Variants in NELL1 observed in about 807,000 individuals in gnomAD.
The protein encoded by NELL1 is neural EGFL like 1.
A neutral mutation model predicts 107.4 loss-of-function variants in NELL1; 76 were observed. The observed-to-expected ratio is 0.71, with a 90% CI of 0.59 to 0.86. The LOEUF is 0.86. NELL1 is among the 40% of genes least tolerant of loss of function. The pLI is 0.00. For synonymous variants in NELL1, 353 were observed against 341.2 expected (o/e 1.03, Z -0.38); for missense variants, 1,024 against 1,005.5 (o/e 1.02, Z -0.25).
At chr11:21,002,734 C>A (rs1345926387) in intron 12 of NELL1, among the ~76,000 whole-genome samples, 1 of 152,158 alleles carries the variant, frequency 6.6e-6, no homozygotes, top group Non-Finnish European at 1.5e-5. Context: ...AAAATTTCCT[C>A]TTCTTATAAG....
intron 14 of NELL1, among the ~76,000 whole-genome samples, chr11:21,244,345 C>G (rs1858437839): frequency 6.6e-6 from 1 of 152,082 alleles, no homozygotes; most frequent in Non-Finnish European, 1.5e-5. Context: ...TGCAGGCTCT[C>G]TTACAGCCAT....
rs529555993 is a variant in NELL1 at position 21,287,058 on chromosome 11, C to T, written c.1549+57604C>T. 3.3e-5 allele frequency among the ~76,000 whole-genome samples: 5 copies of T among 152,318 alleles called. No individual in the cohort carries two copies. The South Asian group carries it at 8.3e-4, about 25-fold the overall frequency. On this transcript the variant is annotated intron_variant, in intron 14 of 19. Coordinates refer to ENST00000357134, the MANE Select transcript of NELL1 (RefSeq NM_006157.5). Reference sequence around the variant, plus strand: ...AGAAATTATTATATTCCTTATTACACAGAATATACCATTCTAAAAGATAAT... The same window carrying T: ...AGAAATTATTATATTCCTTATTACATAGAATATACCATTCTAAAAGATAAT...
chr11:20,696,515 T>C (rs1328608610), intron 2 of NELL1, among the ~76,000 whole-genome samples: 1 of 152,134 alleles, frequency 6.6e-6, no homozygotes, highest in Non-Finnish European at 1.5e-5. Context: ...TATTGCCACA[T>C]TTATTTTAAA....
intron 4 of NELL1, among the ~76,000 whole-genome samples, chr11:20,848,854 T>G (rs1485397276): frequency 1.3e-5 from 2 of 152,218 alleles, no homozygotes; most frequent in Non-Finnish European, 2.9e-5. Flanking sequence ...AGGGAAGGTT[T>G]GCCATCTTGA....
At chr11:20,924,172 G>C (rs1219806066) in intron 7 of NELL1, among the ~76,000 whole-genome samples, 1 of 152,202 alleles carries the variant, frequency 6.6e-6, no homozygotes, top group Non-Finnish European at 1.5e-5. Context: ...AATTCAGCAT[G>C]CTAATACCAG....
chr11:20,999,639 A>T (rs1852171383), intron 12 of NELL1, among the ~76,000 whole-genome samples: 2 of 152,024 alleles, frequency 1.3e-5, no homozygotes, highest in East Asian at 3.9e-4. Flanking sequence ...TCACCCTCAA[A>T]ATTAGTAGCC....
intron 15 of NELL1, among the ~76,000 whole-genome samples, chr11:21,442,532 G>A (rs1259943962): frequency 6.6e-6 from 1 of 152,126 alleles, no homozygotes; most frequent in African/African-American, 2.4e-5. Context: ...ATTCAAGGTA[G>A]TTTACTTGTA....
intron 13 of NELL1, among the ~76,000 whole-genome samples, chr11:21,187,702 C>A (rs563675944): frequency 6.6e-6 from 1 of 151,648 alleles, no homozygotes; most frequent in African/African-American, 2.4e-5. Context: ...CTGTGTCTGC[C>A]CTTACAGGGT....
At chr11:21,221,249 T>C (rs1357034690) in intron 13 of NELL1, among the ~76,000 whole-genome samples, 2 of 152,250 alleles carry the variant, frequency 1.3e-5, no homozygotes, top group Non-Finnish European at 2.9e-5. Context: ...TCATGGTGTA[T>C]AATCTTTGTG....
intron 12 of NELL1, among the ~76,000 whole-genome samples, chr11:21,057,867 T>A (rs1853648351): frequency 6.6e-6 from 1 of 152,102 alleles, no homozygotes; most frequent in African/African-American, 2.4e-5. Flanking sequence ...AAATTAATAC[T>A]AGAATTATTT....
intron 12 of NELL1, among the ~76,000 whole-genome samples, chr11:20,967,154 T>A (rs1423938231): frequency 2.0e-5 from 3 of 152,054 alleles, no homozygotes; most frequent in Non-Finnish European, 4.4e-5. Context: ...GTGTAGGCAT[T>A]GATTAGGTTT....
chr11:21,047,880 G>C (rs1006115214), intron 12 of NELL1, among the ~76,000 whole-genome samples: 2 of 152,162 alleles, frequency 1.3e-5, no homozygotes, highest in Non-Finnish European at 2.9e-5. Flanking sequence ...CTGCTCCCCA[G>C]CATCTCTAAT....
intron 12 of NELL1, among the ~76,000 whole-genome samples, chr11:21,020,500 T>A (rs1160309476): frequency 6.6e-6 from 1 of 152,034 alleles, no homozygotes; most frequent in Non-Finnish European, 1.5e-5. Flanking sequence ...AAAGTTAGTT[T>A]TGTTTTTTTT....
intron 2 of NELL1, among the ~76,000 whole-genome samples, chr11:20,720,027 G>GT (rs552234871): frequency 1.4e-4 from 21 of 152,050 alleles, no homozygotes; most frequent in African/African-American, 5.1e-4. Flanking sequence ...TCAAGGCTGA[G>GT]TTTTTTTGTT....
Position 20,797,495 on chromosome 11 carries a change from G to A in NELL1, c.335+13665G>A, listed in dbSNP as rs1223366905. Among the ~76,000 whole-genome samples, 3 of 150,544 alleles carry A rather than the reference G, an allele frequency of 2.0e-5. No individual in the cohort carries two copies. The East Asian group carries it at 5.9e-4, about 30-fold the overall frequency. On this transcript the variant is annotated intron_variant, in intron 3 of 19. Coordinates refer to ENST00000357134, the MANE Select transcript of NELL1 (RefSeq NM_006157.5). ...GCAGGAGAATGGCGTGAACCTGGGA[G>A]GTGGAGCTTGCAGTGAGCCGAGATC... is the stretch of plus-strand genomic sequence containing the variant.
At chr11:21,184,739 T>TTA (rs10649556) in intron 13 of NELL1, among the ~76,000 whole-genome samples, 128,871 of 151,672 alleles carry the variant, frequency 0.85, 56,086 homozygotes, top group East Asian at 0.96. Context: ...GTCCTCTGTT[T>TTA]TTAACGAGGA....
intron 4 of NELL1, among the ~76,000 whole-genome samples, chr11:20,876,114 G>A (rs548674309): frequency 3.3e-5 from 5 of 152,082 alleles, no homozygotes; most frequent in South Asian, 2.1e-4. Context: ...TTTTGTTTGC[G>A]TTTGTATTTA....
intron 4 of NELL1, among the ~76,000 whole-genome samples, chr11:20,869,886 T>C (rs746914977): frequency 2.0e-5 from 3 of 152,206 alleles, no homozygotes; most frequent in Non-Finnish European, 4.4e-5. Flanking sequence ...GATGCTCTAG[T>C]TGTAAGTAAC....
At position 21,179,508 on chromosome 11, in the gene NELL1, C is replaced by T. The variant is rs140656400; in HGVS notation, c.1427-49824C>T. 7.9e-3 allele frequency among the ~76,000 whole-genome samples: 1,203 copies of T among 151,884 alleles called. 43 individuals carry two copies. The highest frequency in any genetic ancestry group is 0.028 in the African/African-American group (1,138 of 41,196). On this transcript the variant is annotated intron_variant, in intron 13 of 19. Transcript: ENST00000357134. ...TCCAACTTGTGATAGCAGGTGAGCA[C>T]AGGCATGTTTTTAGTATGGCAAAGG... is the stretch of plus-strand genomic sequence containing the variant.
Sources: gnomAD v4.1 joint callset for allele counts (sites outside exome capture counted in the v4.1 genomes callset) on GRCh38, gnomAD v4.1.1 for gene constraint, MANE v1.5 for transcripts, NCBI Gene and HGNC (gene_info 2026-07-23, HGNC 2026-07-21) for gene names.